The following ZMIZ1 variants were observed in gnomAD, a reference collection of about 807,000 sequenced individuals.
ZMIZ1 encodes the protein zinc finger MIZ domain-containing protein 1.
A neutral mutation model predicts 113.9 loss-of-function variants in ZMIZ1; 17 were observed. The observed-to-expected ratio is 0.15, with a 90% CI of 0.10 to 0.22. The LOEUF (loss-of-function observed/expected upper bound fraction) is 0.22, where lower values mean the gene tolerates loss of function less well. Among genes scored for constraint, ZMIZ1 ranks in the 10% least tolerant of loss-of-function variants. The pLI, the probability that ZMIZ1 is intolerant of heterozygous loss-of-function variation, is 1.00. For missense variants in ZMIZ1, 1,059 were observed against 1,477.8 expected (o/e 0.72, Z 4.65); for synonymous variants, 607 against 603.1 (o/e 1.01, Z -0.09).
At chr10:79,130,686 T>G (rs1416956899) in intron 2 of ZMIZ1, among the ~76,000 whole-genome samples, 1 of 152,130 alleles carries the variant, frequency 6.6e-6, no homozygotes, top group Non-Finnish European at 1.5e-5. Context: ...ACTAACCGTG[T>G]GACCTTGGGC....
intron 7 of ZMIZ1, among the ~76,000 whole-genome samples, chr10:79,228,443 T>C (rs914036940): frequency 1.3e-5 from 2 of 152,224 alleles, no homozygotes; most frequent in Admixed American, 6.5e-5. Flanking sequence ...AATATGGTGC[T>C]CCTTCTCCTC....
chr10:79,091,980 C>T (rs955838339), intron 1 of ZMIZ1, among the ~76,000 whole-genome samples: 2 of 152,104 alleles, frequency 1.3e-5, no homozygotes, highest in Non-Finnish European at 2.9e-5. Context: ...AGGTGTACTT[C>T]AGGACCAACC....
chr10:79,177,481 G>A (rs895159705), intron 4 of ZMIZ1, among the ~76,000 whole-genome samples: 7 of 152,214 alleles, frequency 4.6e-5, no homozygotes, highest in African/African-American at 1.2e-4. Flanking sequence ...GTTAGTCCTC[G>A]TATCCACCCT....
intron 11 of ZMIZ1, 23 bp downstream of exon 11, chr10:79,292,379 G>A (rs1853554820): frequency 6.3e-7 from 1 of 1,590,214 alleles, no homozygotes; most frequent in East Asian, 2.3e-5. Context: ...ACTAATCCTG[G>A]TCCAGCCTTG....
intron 23 of ZMIZ1, among the ~76,000 whole-genome samples, chr10:79,308,415 G>A (rs1213736651): frequency 6.6e-6 from 1 of 152,170 alleles, no homozygotes; most frequent in African/African-American, 2.4e-5. Flanking sequence ...GTCATTCTGG[G>A]CTCTCATCTT....
At position 79,306,306 on chromosome 10, in the gene ZMIZ1, C is replaced by T. The variant is rs1191306509; in HGVS notation, c.2630C>T (p.Pro877Leu). The change falls in exon 22 of 25, where the codon CCC (proline) becomes CTC (leucine). Residue 877 changes from proline (P) to leucine (L), a missense_variant. By Grantham distance (98) the Pro-to-Leu change is moderately conservative (BLOSUM62 -3). This residue lies in a region of ZMIZ1 where 225 missense variants were observed against 276.0 expected (regional missense o/e 0.82). Coordinates refer to ENST00000334512, the MANE Select transcript of ZMIZ1 (RefSeq NM_020338.4). ...PGPSPYPLPP[P>L]PGGTNSNDYS... ...CCGTCCCCCTATCCCCTCCCGCCTC[C>T]CCCAGGGGGCACCAACTCCAACGAC... 6.2e-7 allele frequency: 1 copy of T among 1,612,954 alleles called. No homozygotes were observed. Among genetic ancestry groups the T allele is most frequent in the East Asian group, 2.2e-5 (1 of 44,884 alleles).
chr10:79,268,617 G>T (rs1333604213), intron 7 of ZMIZ1, among the ~76,000 whole-genome samples: 1 of 152,196 alleles, frequency 6.6e-6, no homozygotes, highest in African/African-American at 2.4e-5. Context: ...TAGAAGTGAA[G>T]CCCCCAAATC....
In ZMIZ1 at chr10:79,069,319, C is replaced by T. The variant is rs1842165154; in HGVS notation, c.-337+49C>T. On this transcript the variant is annotated intron_variant, in intron 1 of 24. Transcript: ENST00000334512. This position sits in a 1 kb window ranked among gnomAD's most constrained non-coding sequence, Gnocchi z 4.6. ...CGCCCGCTGGCTCCGGGGCTACCTC[C>T]CGCTCCCCGGGGACTCTCGGGGTGC... 1 of 150,526 alleles carries T rather than the reference C, an allele frequency of 6.6e-6. No individual in the cohort carries two copies. The highest frequency in any genetic ancestry group is 2.1e-4 in the South Asian group (1 of 4,820). 9.3% of individuals were successfully genotyped at this position (150,526 alleles called of 1,614,324 possible). A position where few individuals can be genotyped will look rare whatever the true frequency, so the allele number is the denominator to read the frequency against.
chr10:79,293,896 G>A lies in ZMIZ1; in HGVS notation c.1230+243G>A, dbSNP rs531522451. ...GCTTGAGGGACTTGAGGAGGTGTCC[G>A]TGAAGTGCTTGGCCCTGGGCTGGCA... On this transcript the variant is annotated intron_variant, in intron 12 of 24. Transcript: ENST00000334512. 680 of 620,830 alleles carry A rather than the reference G, an allele frequency of 1.1e-3. 2 individuals carry two copies. Among genetic ancestry groups the A allele is most frequent in the Non-Finnish European group, 1.4e-3 (494 of 354,246 alleles). The allele number at this position is 620,830 out of a possible 1,614,324, so 38.5% of individuals were successfully genotyped here.
rs1174980856 is a variant in ZMIZ1 at position 79,165,948 on chromosome 10, C to CTGTGTGTGTGTGTGTGTGTGTG, written c.-50+3848_-50+3869dup. Among the ~76,000 whole-genome samples, 109 of 59,816 alleles carry CTGTGTGTGTGTGTGTGTGTGTG rather than the reference C, an allele frequency of 1.8e-3. 2 individuals carry two copies. The highest frequency in any genetic ancestry group is 4.2e-3 in the East Asian group (10 of 2,382). 39.2% of individuals were successfully genotyped at this position (59,816 alleles called of 152,430 possible). ...CCTTGGCCTCCAAGCCCCAGCTCAG[C>CTGTGTGTGTGTGTGTGTGTGTG]TGTGTGTGTGTGTGTGTGTGTGTGT... On this transcript the variant is annotated intron_variant, in intron 4 of 24. Transcript: ENST00000334512.
At chr10:79,234,416 G>T (rs118111881) in intron 7 of ZMIZ1, among the ~76,000 whole-genome samples, 2 of 152,294 alleles carry the variant, frequency 1.3e-5, no homozygotes, top group East Asian at 3.9e-4. Flanking sequence ...ACCTTTCCCA[G>T]GGAAAAGGTC....
At chr10:79,098,058 G>A (rs567566856) in intron 1 of ZMIZ1, among the ~76,000 whole-genome samples, 2 of 152,342 alleles carry the variant, frequency 1.3e-5, no homozygotes, top group Non-Finnish European at 2.9e-5. Flanking sequence ...GGCTCTGGAG[G>A]ACTTGATGGA....
At chr10:79,259,313 C>G (rs984883222) in intron 7 of ZMIZ1, among the ~76,000 whole-genome samples, 2 of 152,140 alleles carry the variant, frequency 1.3e-5, no homozygotes, top group Non-Finnish European at 2.9e-5. Flanking sequence ...GAGGCCAGAC[C>G]TAGGGGAGGA....
chr10:79,204,950 A>G (rs576320626), intron 5 of ZMIZ1, among the ~76,000 whole-genome samples: 106 of 149,706 alleles, frequency 7.1e-4, no homozygotes, highest in Non-Finnish European at 1.2e-3. Flanking sequence ...AAGGAGACAG[A>G]TGGATGAATT....
At chr10:79,219,664 A>G (rs73302169) in intron 7 of ZMIZ1, among the ~76,000 whole-genome samples, 4,514 of 152,244 alleles carry the variant, frequency 0.03, 160 homozygotes, top group East Asian at 0.076. Context: ...GCTTGAACAC[A>G]GCCTTTGTAA....
intron 7 of ZMIZ1, among the ~76,000 whole-genome samples, chr10:79,268,890 A>G (rs902819397): frequency 6.6e-6 from 1 of 152,178 alleles, no homozygotes; most frequent in Admixed American, 6.5e-5. Flanking sequence ...CATAATTCAG[A>G]GGAGAACCGG....
At chr10:79,151,037 G>A (rs1023056253) in intron 3 of ZMIZ1, among the ~76,000 whole-genome samples, 2 of 152,112 alleles carry the variant, frequency 1.3e-5, no homozygotes, top group Non-Finnish European at 2.9e-5. Context: ...GCCAAGCAGA[G>A]GGGTCAGGGC....
chr10:79,266,785 G>A (rs1851633401), intron 7 of ZMIZ1, among the ~76,000 whole-genome samples: 1 of 152,224 alleles, frequency 6.6e-6, no homozygotes, highest in Non-Finnish European at 1.5e-5. Flanking sequence ...GGGGCACCCA[G>A]CAGTGACGGG....
chr10:79,109,188 C>G (rs758084551), intron 1 of ZMIZ1, among the ~76,000 whole-genome samples: 1 of 152,128 alleles, frequency 6.6e-6, no homozygotes, highest in Admixed American at 6.5e-5. Flanking sequence ...GATGTCTGTT[C>G]GCTGTCCTGT....
Sources: gnomAD v4.1 joint callset for allele counts (sites outside exome capture counted in the v4.1 genomes callset) on GRCh38, gnomAD v4.1.1 for gene constraint, gnomAD v4.1.1 regional missense constraint, Gnocchi (gnomAD v3.1) non-coding constraint, MANE v1.5 for transcripts, NCBI Gene and HGNC (gene_info 2026-07-23, HGNC 2026-07-21) for gene names.